DECR2: variants seen among roughly 807,000 people sequenced by gnomAD.
DECR2 encodes 2,4-dienoyl-CoA reductase 2.
Under a neutral mutation model 29.2 loss-of-function variants are expected in DECR2, and 34 were observed. That is an observed-to-expected ratio of 1.16 (90% confidence interval 0.89 to 1.55). The LOEUF (loss-of-function observed/expected upper bound fraction) is 1.55, where lower values mean the gene tolerates loss of function less well. Among genes scored for constraint, DECR2 ranks in the 40% most tolerant of loss-of-function variants. DECR2 has a pLI of 0.00. For synonymous variants in DECR2, 224 were observed against 182.7 expected, an observed-to-expected ratio of 1.23 and a Z score of -1.82; for missense variants, 485 against 425.3, an observed-to-expected ratio of 1.14 and a Z score of -1.23.
Position 410,777 on chromosome 16 carries a change from C to T in DECR2, c.549C>T (p.Ala183=), listed in dbSNP as rs948926774. 27 of 1,595,868 alleles carry T rather than the reference C, an allele frequency of 1.7e-5. No homozygotes were observed. The highest frequency in any genetic ancestry group is 1.1e-4 in the African/African-American group (8 of 74,690). ...AGGTGCATGCAGGCTCCGCCAAGGC[C>T]GCTGTGGGTATGACCACCCCCCCCC... ...ALQVHAGSAK[A]AVDAMTRHLA... is the part of the protein sequence containing the mutation. The change falls in exon 6 of 9, where the codon GCC becomes GCT. Residue 183 remains alanine, a synonymous_variant. Transcript: ENST00000219481. This position sits in a 1 kb window ranked among gnomAD's most constrained non-coding sequence, Gnocchi z 4.1.
intron 4 of DECR2, chr16:409,617 C>G (rs1314874052): frequency 6.6e-6 from 1 of 152,206 alleles, no homozygotes; most frequent in Non-Finnish European, 1.5e-5. Context: ...CAGAAATTCC[C>G]TTTTAAAAAC....
chr16:411,713 C>T (rs954382484), intron 8 of DECR2, 135 bp downstream of exon 8: 2 of 968,056 alleles, frequency 2.1e-6, no homozygotes, highest in African/African-American at 1.6e-5. Flanking sequence ...CCAGCCTGCC[C>T]ACACATGGGT....
chr16:409,181 T>G (rs1473113640), intron 4 of DECR2, among the ~76,000 whole-genome samples: 1 of 150,630 alleles, frequency 6.6e-6, no homozygotes, highest in Non-Finnish European at 1.5e-5. Flanking sequence ...TGATTTTTAT[T>G]TTTATTTTTT....
At position 411,624 on chromosome 16, in the gene DECR2, G is replaced by A. The variant is rs149523719; in HGVS notation, c.*46G>A. ...CTTGGGGTCATCTGTGTCCTTGGAC[G>A]CTGGTCACTGCATGGGCAGGTCTCT... On this transcript the variant is annotated intron_variant, in intron 8 of 8. Transcript: ENST00000219481. 7.7e-5 allele frequency: 121 copies of A among 1,566,012 alleles called. 2 individuals are homozygous for A. The East Asian group carries it at 2.3e-3, about 29-fold the overall frequency.
chr16:404,991 G>C lies in DECR2; in HGVS notation c.116G>C (p.Gly39Ala). The C allele has an allele frequency of 6.2e-7, 1 of 1,614,100 alleles. No homozygotes were observed. The highest frequency in any genetic ancestry group is 8.5e-7 in the Non-Finnish European group (1 of 1,179,984). ...GCCTTCATCACAGGAGGCGGCTCTGGGATTGGGTTCCGGATTGCTGAGATT... is the reference window on the plus strand; with the variant it reads ...GCCTTCATCACAGGAGGCGGCTCTGCGATTGGGTTCCGGATTGCTGAGATT... ...KVAFITGGGS[G>A]IGFRIAEIFM... Residue 39 changes from glycine to alanine, a missense_variant, in exon 2 of 9, where the codon GGG becomes GCG. Physicochemically the swap from Gly to Ala is moderately conservative, Grantham distance 60. Coordinates refer to ENST00000219481, the MANE Select transcript of DECR2 (RefSeq NM_020664.4).
intron 4 of DECR2, among the ~76,000 whole-genome samples, chr16:408,226 T>C (rs372549850): frequency 4.9e-4 from 52 of 105,470 alleles, no homozygotes; most frequent in South Asian, 6.7e-4. Context: ...TCTCCGGGCC[T>C]CTGTCTCCGG....
At chr16:405,779 C>T (rs2054717286) in intron 2 of DECR2, 3 of 393,994 alleles carry the variant, frequency 7.6e-6, no homozygotes, top group Admixed American at 3.4e-5. Flanking sequence ...GGAAAGGGGT[C>T]CTGCTTCAGA....
intron 2 of DECR2, chr16:405,719 A>G: frequency 1.4e-6 from 1 of 739,758 alleles, no homozygotes. Context: ...TGGCTGTGAG[A>G]CGGGCGTCTC....
rs549603537 is a variant in DECR2, at chr16:405,482, A to G, written c.149+458A>G. ...AAAGGTGAGTCCCACAGGAAGAGAT[A>G]TGGCCTTTCCACTGGTGGCTTTGTG... On this transcript the variant is annotated intron_variant, in intron 2 of 8. Coordinates refer to ENST00000219481, the MANE Select transcript of DECR2 (RefSeq NM_020664.4). The G allele has an allele frequency of 1.1e-5, 14 of 1,277,316 alleles. No individual in the cohort carries two copies. The African/African-American group carries it at 1.5e-4, about 14-fold the overall frequency. The allele number at this position is 1,277,316 out of a possible 1,614,324, so 79.1% of individuals were successfully genotyped here.
chr16:408,582 A>G (rs60605061), intron 4 of DECR2, among the ~76,000 whole-genome samples: 1 of 148,994 alleles, frequency 6.7e-6, no homozygotes, highest in African/African-American at 2.5e-5. Context: ...ATCATGGCTT[A>G]CTGCAGCCTC....
At chr16:403,100 GCAATTCTCCTGCCTCAGCCTCC>G (rs1255523853) in intron 1 of DECR2, 1 of 903,414 alleles carries the variant, frequency 1.1e-6, no homozygotes, top group Non-Finnish European at 1.3e-6. Flanking sequence ...CTGGGTTGAA[GCAATTCTCCTGCCTCAGCCTCC>G]CAATTCTCCT....
chr16:406,550 TGTG>T (rs1330390801), intron 3 of DECR2, 153 bp downstream of exon 3: 1 of 744,842 alleles, frequency 1.3e-6, no homozygotes, highest in African/African-American at 1.8e-5. Flanking sequence ...CAGGCTGAAG[TGTG>T]GTGGTGCGAT....
chr16:410,889 T>C lies in DECR2; in HGVS notation c.557-83T>C, dbSNP rs2054810342. On this transcript the variant is annotated intron_variant, in intron 6 of 8. Transcript: ENST00000219481. The surrounding 1 kb of genome is among the most constrained non-coding windows in gnomAD (Gnocchi z 4.1). ...GTCTCCACTTGAAGCTGAGCCCAGC[T>C]GCAGGCAGCGAGACCTGGCCTTGGC... 2.6e-6 allele frequency: 4 copies of C among 1,530,508 alleles called. No individual in the cohort carries two copies. The East Asian group carries it at 7.3e-5, about 28-fold the overall frequency. 94.8% of individuals were successfully genotyped at this position (1,530,508 alleles called of 1,614,324 possible).
rs779707992 is a variant in DECR2 at position 410,832 on chromosome 16, G to A, written c.556+48G>A. 217 of 1,512,408 alleles carry A rather than the reference G, an allele frequency of 1.4e-4. No individual in the cohort carries two copies. Among genetic ancestry groups the A allele is most frequent in the Non-Finnish European group, 4.5e-6 (5 of 1,113,444 alleles). 93.7% of individuals were successfully genotyped at this position (1,512,408 alleles called of 1,614,324 possible). On this transcript the variant is annotated intron_variant, in intron 6 of 8. Transcript: ENST00000219481. The surrounding 1 kb of genome is among the most constrained non-coding windows in gnomAD (Gnocchi z 4.1). ...AGGTTTGCCCACGTGGGTCCCCAAT[G>A]GGCCGTCTGCTTCCATCCCAGGAGG...
chr16:411,053 G>A lies in DECR2; in HGVS notation c.638G>A (p.Gly213Asp), dbSNP rs764891390. Residue 213 changes from glycine (G) to aspartate (D), a missense_variant, in exon 7 of 9, where the codon GGC becomes GAC. Transcript: ENST00000219481. ...AGCCTCGCCCCTGGCCCCATCAGTG[G>A]CACAGAGGGGCTCCGGCGACTGGGT... ...VNSLAPGPIS[G>D]TEGLRRLGGP... is the part of the protein sequence containing the mutation. 6 of 1,566,400 alleles carry A rather than the reference G, an allele frequency of 3.8e-6. No individual in the cohort carries two copies. Among genetic ancestry groups the A allele is most frequent in the Non-Finnish European group, 2.6e-6 (3 of 1,160,242 alleles).
At position 402,247 on chromosome 16, in the gene DECR2, T is replaced by C. The variant is rs144146291; in HGVS notation, c.80+204T>C. On this transcript the variant is annotated intron_variant, in intron 1 of 8. Transcript: ENST00000219481. The stretch of plus-strand genomic sequence containing the variant: ...TGGAGTGCAGTGGCACGATCTCCGC[T>C]CACTGCAAACTCTGCCTCCCGGGTT... 9.1e-3 allele frequency among the ~76,000 whole-genome samples: 1,382 copies of C among 151,740 alleles called. 23 individuals are homozygous for C. The highest frequency in any genetic ancestry group is 0.032 in the African/African-American group (1,316 of 41,332).
chr16:407,898 TCCGGGC>T (rs1468929689), intron 4 of DECR2, among the ~76,000 whole-genome samples: 22 of 147,294 alleles, frequency 1.5e-4, no homozygotes, highest in Non-Finnish European at 3.0e-4. Flanking sequence ...GCCCCCTGTC[TCCGGGC>T]CTCTGTCTCC....
Position 410,495 on chromosome 16 carries a change from C to A in DECR2, c.462+128C>A. ...TTCTTCCGGGTGGGTGTACTCCCAG[C>A]GGGGGCCTCCCCCTGACGGCCGCCC... On this transcript the variant is annotated intron_variant, in intron 5 of 8. Coordinates refer to ENST00000219481, the MANE Select transcript of DECR2 (RefSeq NM_020664.4). The surrounding 1 kb of genome is among the most constrained non-coding windows in gnomAD (Gnocchi z 4.1). The A allele has an allele frequency of 1.3e-6, 2 of 1,545,112 alleles. No homozygotes were observed. Among genetic ancestry groups the A allele is most frequent in the Non-Finnish European group, 1.8e-6 (2 of 1,140,222 alleles).
rs2141816920 is a variant in DECR2 at position 410,400 on chromosome 16, T to C, written c.462+33T>C. ...CCTCGTGCGCTCTGTGAGAAGTTCT[T>C]CCGGGTGGGTGCCTCGTGCGCTCTG... On this transcript the variant is annotated intron_variant, in intron 5 of 8. Transcript: ENST00000219481. The surrounding 1 kb of genome is among the most constrained non-coding windows in gnomAD (Gnocchi z 4.1). The C allele has an allele frequency of 6.3e-7, 1 of 1,593,078 alleles. No individual in the cohort carries two copies. The highest frequency in any genetic ancestry group is 2.1e-4 in the Middle Eastern group (1 of 4,758).
Sources: gnomAD v4.1 joint callset for allele counts (sites outside exome capture counted in the v4.1 genomes callset) on GRCh38, gnomAD v4.1.1 for gene constraint, Gnocchi (gnomAD v3.1) non-coding constraint, MANE v1.5 for transcripts, NCBI Gene and HGNC (gene_info 2026-07-23, HGNC 2026-07-21) for gene names.